Variants in CTNNA1 observed in about 807,000 individuals in gnomAD.
The protein encoded by CTNNA1 is catenin alpha 1.
Under a neutral mutation model 98.4 loss-of-function variants are expected in CTNNA1, and 37 were observed. That is an observed-to-expected ratio of 0.38 (90% CI 0.29 to 0.49). The LOEUF is 0.49. Ranked by LOEUF, CTNNA1 falls within the 20% of genes least tolerant of loss-of-function variation. The probability of loss-of-function intolerance (pLI) is 0.95; values close to 1 mark genes in which losing one functional copy is unlikely to be tolerated. For missense variants in CTNNA1, 761 were observed against 1,147.2 expected (o/e 0.66, Z 4.86); for synonymous variants, 404 against 413.2 (o/e 0.98, Z 0.27).
intron 7 of CTNNA1, chr5:138,872,106 A>G (rs965336085): frequency 4.6e-5 from 7 of 151,526 alleles, no homozygotes; most frequent in African/African-American, 1.7e-4. Context: ...GGATTGTTAA[A>G]TTGACTCAGT....
At chr5:138,860,013 CGTGT>C (rs764086744) in intron 7 of CTNNA1, among the ~76,000 whole-genome samples, 1 of 151,460 alleles carries the variant, frequency 6.6e-6, no homozygotes, top group Non-Finnish European at 1.5e-5. Context: ...CGTGTGCATG[CGTGT>C]GTGTGTGTGT....
intron 11 of CTNNA1, among the ~76,000 whole-genome samples, chr5:138,924,270 T>G (rs756201914): frequency 1.7e-4 from 25 of 144,154 alleles, no homozygotes; most frequent in Admixed American, 2.7e-4. Flanking sequence ...TTGTGTGTGT[T>G]TTTTATTTTT....
At position 138,827,507 on chromosome 5, in the gene CTNNA1, C is replaced by T. The variant is rs752030538; in HGVS notation, c.859-8C>T. The T allele has an allele frequency of 6.2e-7, 1 of 1,613,976 alleles. No individual in the cohort carries two copies. The highest frequency in any genetic ancestry group is 8.5e-7 in the Non-Finnish European group (1 of 1,179,960). ...GAGTACTAACATTCGGTAATACTTT[C>T]TCTGCAGAAACAAATCATTGTGGAC... On this transcript the variant is annotated splice_polypyrimidine_tract_variant and splice_region_variant and intron_variant, in intron 6 of 17. Transcript: ENST00000302763.
intron 16 of CTNNA1, chr5:138,932,300 A>T (rs1765533295): frequency 8.2e-7 from 1 of 1,214,156 alleles, no homozygotes; most frequent in African/African-American, 1.5e-5. Context: ...CCGTCATAGG[A>T]GGGAAGTCAG....
intron 10 of CTNNA1, among the ~76,000 whole-genome samples, chr5:138,906,045 A>G (rs970087347): frequency 2.6e-5 from 4 of 151,322 alleles, no homozygotes; most frequent in African/African-American, 4.9e-5. Flanking sequence ...ATAATCCCTG[A>G]CATTCAAGGT....
intron 1 of CTNNA1, among the ~76,000 whole-genome samples, chr5:138,771,405 C>T (rs1753537723): frequency 6.6e-6 from 1 of 151,992 alleles, no homozygotes; most frequent in Non-Finnish European, 1.5e-5. Context: ...ATTTTTGAAA[C>T]AGAATCTCCC....
chr5:138,817,526 C>T (rs1209097573), intron 5 of CTNNA1, among the ~76,000 whole-genome samples: 1 of 152,100 alleles, frequency 6.6e-6, no homozygotes, highest in East Asian at 1.9e-4. Context: ...TTTCTTTTCT[C>T]CTTCTGGAAT....
At chr5:138,858,037 T>A (rs942263802) in intron 7 of CTNNA1, among the ~76,000 whole-genome samples, 1 of 152,226 alleles carries the variant, frequency 6.6e-6, no homozygotes, top group Non-Finnish European at 1.5e-5. Context: ...TCCATCTTAC[T>A]GTTTTGATGC....
chr5:138,846,343 A>G (rs1762727971), intron 7 of CTNNA1, among the ~76,000 whole-genome samples: 2 of 152,256 alleles, frequency 1.3e-5, no homozygotes, highest in Admixed American at 6.5e-5. Flanking sequence ...CCAAAAAAAC[A>G]TTAAATTGTA....
rs1357350269 is a variant in CTNNA1 at position 138,873,728 on chromosome 5, T to G, written c.1063-12484T>G. ...GTTATCCATGAGGAGTATTTTAAGA[T>G]TGGGCATCGTTTCAAACACTGTCAA... On this transcript the variant is annotated intron_variant, in intron 7 of 17. Transcript: ENST00000302763. This position sits in a 1 kb window ranked among gnomAD's most constrained non-coding sequence, Gnocchi z 6.1. The G allele has an allele frequency of 6.2e-7, 1 of 1,614,044 alleles. No individual in the cohort carries two copies.
chr5:138,891,002 A>T (rs1309977975), intron 9 of CTNNA1, among the ~76,000 whole-genome samples: 2 of 152,236 alleles, frequency 1.3e-5, no homozygotes, highest in African/African-American at 2.4e-5. Context: ...CATGCTGCAG[A>T]GTCATAAACA....
At chr5:138,787,894 T>C (rs1297687624) in intron 3 of CTNNA1, among the ~76,000 whole-genome samples, 1 of 152,240 alleles carries the variant, frequency 6.6e-6, no homozygotes, top group Non-Finnish European at 1.5e-5. Flanking sequence ...ATCATTTGAC[T>C]TCAAGGCTAA....
At chr5:138,852,302 C>T (rs1763265865) in intron 7 of CTNNA1, among the ~76,000 whole-genome samples, 1 of 152,234 alleles carries the variant, frequency 6.6e-6, no homozygotes, top group East Asian at 1.9e-4. Flanking sequence ...CAAATACCTT[C>T]CTTCCATATT....
intron 7 of CTNNA1, among the ~76,000 whole-genome samples, chr5:138,836,750 T>A (rs888021322): frequency 3.9e-5 from 6 of 152,216 alleles, no homozygotes; most frequent in African/African-American, 1.4e-4. Flanking sequence ...CACTTTGTGC[T>A]GTTTAGCCAT....
rs1490714747 is a variant in CTNNA1 at position 138,873,970 on chromosome 5, A to G, written c.1063-12242A>G. ...TAATTAATCCTGCAAATCCATTGCG[A>G]GCCAAACTTCGCAAACGATTTGTGC... On this transcript the variant is annotated intron_variant, in intron 7 of 17. Transcript: ENST00000302763. The surrounding 1 kb of genome is among the most constrained non-coding windows in gnomAD (Gnocchi z 6.1). 2.5e-6 allele frequency: 4 copies of G among 1,614,008 alleles called. No homozygotes were observed. The East Asian group carries it at 6.7e-5, about 27-fold the overall frequency.
intron 7 of CTNNA1, among the ~76,000 whole-genome samples, chr5:138,857,039 C>CTTGG (rs1763790457): frequency 6.6e-6 from 1 of 152,150 alleles, no homozygotes; most frequent in Non-Finnish European, 1.5e-5. Flanking sequence ...GCCCATTTCT[C>CTTGG]TTGGAGGGAG....
chr5:138,924,917 G>A (rs1312893495), intron 12 of CTNNA1, among the ~76,000 whole-genome samples: 1 of 152,068 alleles, frequency 6.6e-6, no homozygotes, highest in African/African-American at 2.4e-5. Context: ...GAGTAATCAC[G>A]GGACTAATTC....
intron 7 of CTNNA1, among the ~76,000 whole-genome samples, chr5:138,881,496 T>C (rs1472097973): frequency 6.6e-6 from 1 of 152,244 alleles, no homozygotes; most frequent in Non-Finnish European, 1.5e-5. Flanking sequence ...AAGACATGTA[T>C]TGACTCCCTA....
chr5:138,808,486 T>C (rs564689923), intron 3 of CTNNA1, among the ~76,000 whole-genome samples: 3 of 152,288 alleles, frequency 2.0e-5, no homozygotes, highest in South Asian at 2.1e-4. Flanking sequence ...CTTTTAACTA[T>C]ATAATTCATT....
Sources: gnomAD v4.1 joint callset for allele counts (sites outside exome capture counted in the v4.1 genomes callset) on GRCh38, gnomAD v4.1.1 for gene constraint, Gnocchi (gnomAD v3.1) non-coding constraint, MANE v1.5 for transcripts, NCBI Gene and HGNC (gene_info 2026-07-23, HGNC 2026-07-21) for gene names.